ANO1: variants seen among roughly 807,000 people sequenced by gnomAD.
ANO1 encodes the protein anoctamin 1.
ANO1 carries 59 observed loss-of-function variants against 124.0 expected under a neutral mutation model. That is an observed-to-expected ratio of 0.48 (90% CI 0.39 to 0.59). The LOEUF (loss-of-function observed/expected upper bound fraction) is 0.59. ANO1 is among the 20% of genes least tolerant of loss of function. The pLI, the probability that ANO1 is intolerant of heterozygous loss-of-function variation, is 0.00. For missense variants in ANO1, 1,059 were observed against 1,328.0 expected (o/e 0.80, Z 3.15); for synonymous variants, 529 against 532.0 (o/e 0.99, Z 0.08).
Position 70,106,668 on chromosome 11 carries a change from G to T in ANO1, c.747+880G>T, listed in dbSNP as rs149435034. On this transcript the variant is annotated intron_variant, in intron 5 of 25. Coordinates refer to ENST00000355303, the MANE Select transcript of ANO1 (RefSeq NM_018043.7). ...TTCTAAATGGCCAACATGCTCCAAA[G>T]AAACTGATAATTCATAGCTTTGGCC... Among the ~76,000 whole-genome samples the T allele has an allele frequency of 2.6e-5, 4 of 152,316 alleles. No homozygotes were observed. The East Asian group carries it at 7.7e-4, about 29-fold the overall frequency.
intron 1 of ANO1, among the ~76,000 whole-genome samples, chr11:70,004,613 A>G (rs10899067): frequency 0.49 from 74,123 of 152,164 alleles, 19,334 homozygotes; most frequent in East Asian, 0.89. Context: ...TGGCTCTCAG[A>G]GCTTGCAGCC....
chr11:70,063,375 C>T (rs1857641072), intron 1 of ANO1, among the ~76,000 whole-genome samples: 1 of 152,206 alleles, frequency 6.6e-6, no homozygotes, highest in Non-Finnish European at 1.5e-5. Flanking sequence ...AATCCCCTGA[C>T]AGTGGTCTGG....
chr11:70,045,772 T>C (rs1293926771), intron 1 of ANO1, among the ~76,000 whole-genome samples: 1 of 152,208 alleles, frequency 6.6e-6, no homozygotes, highest in African/African-American at 2.4e-5. Context: ...AGAACCATAC[T>C]GGCTTCAGAC....
chr11:70,116,724 C>A, intron 8 of ANO1: 1 of 540,306 alleles, frequency 1.9e-6, no homozygotes. Context: ...GTCAAAAATG[C>A]CCTTGGCAGG....
chr11:70,016,351 A>G (rs1254555210), intron 1 of ANO1: 1 of 152,234 alleles, frequency 6.6e-6, no homozygotes, highest in Non-Finnish European at 1.5e-5. Context: ...TTCTATGTGC[A>G]TTTTGGCAAA....
intron 1 of ANO1, among the ~76,000 whole-genome samples, chr11:70,080,079 G>C (rs1207780885): frequency 2.0e-5 from 3 of 152,260 alleles, no homozygotes; most frequent in African/African-American, 7.2e-5. Context: ...GACAGGGAAG[G>C]CTCCGCCCAT....
intron 1 of ANO1, among the ~76,000 whole-genome samples, chr11:70,017,249 TC>T (rs1447376945): frequency 1.3e-5 from 2 of 152,244 alleles, no homozygotes; most frequent in African/African-American, 2.4e-5. Flanking sequence ...TTTTGTGGTT[TC>T]TTTTTCCCCT....
intron 1 of ANO1, among the ~76,000 whole-genome samples, chr11:70,041,475 A>G (rs367804266): frequency 2.0e-4 from 30 of 152,312 alleles, no homozygotes; most frequent in African/African-American, 7.2e-4. Context: ...TGACCTCTAG[A>G]CTCACACACA....
intron 10 of ANO1, among the ~76,000 whole-genome samples, chr11:70,127,225 G>A (rs887280089): frequency 1.4e-4 from 22 of 152,174 alleles, no homozygotes; most frequent in African/African-American, 5.3e-4. Context: ...GTGCTCCCGG[G>A]AGGTGAGATG....
At chr11:70,019,982 T>C (rs1375415103) in intron 1 of ANO1, among the ~76,000 whole-genome samples, 1 of 152,202 alleles carries the variant, frequency 6.6e-6, no homozygotes, top group Admixed American at 6.5e-5. Flanking sequence ...TCTGCTTCTC[T>C]TCCCTCTCCC....
chr11:69,999,438 G>C (rs1418633572), intron 1 of ANO1, among the ~76,000 whole-genome samples: 2 of 152,142 alleles, frequency 1.3e-5, no homozygotes, highest in East Asian at 3.9e-4. Context: ...ATGAGATTTG[G>C]GCGGGGACAA....
chr11:70,090,610 G>T (rs1020593629), intron 2 of ANO1, among the ~76,000 whole-genome samples: 1 of 152,164 alleles, frequency 6.6e-6, no homozygotes, highest in Admixed American at 6.5e-5. Flanking sequence ...TACTGAAGCG[G>T]CAAGAAGGAC....
At chr11:69,985,539 CCGCCCCG>C (rs1435539553), upstream of ANO1, among the ~76,000 whole-genome samples, 3 of 152,208 alleles carry the variant, frequency 2.0e-5, no homozygotes, top group East Asian at 5.8e-4. Context: ...ACTCACGGAA[CCGCCCCG>C]CGCCCAGGGC....
At chr11:70,009,192 C>A (rs34283274) in intron 1 of ANO1, among the ~76,000 whole-genome samples, 36,077 of 152,084 alleles carry the variant, frequency 0.24, 4,428 homozygotes, top group South Asian at 0.29. Context: ...CAAAGGGACA[C>A]AGTGGAGTGG....
chr11:69,995,202 C>T (rs1856245611), intron 1 of ANO1, among the ~76,000 whole-genome samples: 1 of 150,914 alleles, frequency 6.6e-6, no homozygotes, highest in Admixed American at 6.6e-5. Flanking sequence ...CCAGTTCAAG[C>T]AATTCTCCTG....
At chr11:70,121,323 C>T (rs1043286067) in intron 8 of ANO1, among the ~76,000 whole-genome samples, 9 of 130,034 alleles carry the variant, frequency 6.9e-5, no homozygotes, top group African/African-American at 1.4e-4. Flanking sequence ...TCTGTCTCTG[C>T]CTCTCTCCCT....
At chr11:70,065,571 TC>T (rs1555008427) in intron 1 of ANO1, among the ~76,000 whole-genome samples, 2 of 151,602 alleles carry the variant, frequency 1.3e-5, no homozygotes, top group African/African-American at 4.9e-5. Context: ...TCTGCCCTTG[TC>T]CCCCGTCGTC....
chr11:70,057,297 G>A (rs986662945), intron 1 of ANO1, among the ~76,000 whole-genome samples: 2 of 152,148 alleles, frequency 1.3e-5, no homozygotes, highest in African/African-American at 4.8e-5. Context: ...AAGACCAGCT[G>A]GTTTCTCTCA....
At chr11:69,991,774 C>A (rs1856160251) in intron 1 of ANO1, among the ~76,000 whole-genome samples, 1 of 152,156 alleles carries the variant, frequency 6.6e-6, no homozygotes, top group South Asian at 2.1e-4. Context: ...AGCCATAGGA[C>A]CAGAAGGTGG....
Sources: gnomAD v4.1 joint callset for allele counts (sites outside exome capture counted in the v4.1 genomes callset) on GRCh38, gnomAD v4.1.1 for gene constraint, MANE v1.5 for transcripts, NCBI Gene and HGNC (gene_info 2026-07-23, HGNC 2026-07-21) for gene names.